GALNS: variants seen among roughly 807,000 people sequenced by gnomAD.
GALNS encodes the protein galactosamine (N-acetyl)-6-sulfatase.
GALNS carries 65 observed loss-of-function variants against 65.9 expected under a neutral mutation model. The ratio of observed to expected loss-of-function variants is 0.99; its 90% CI spans 0.81 to 1.21. The LOEUF is 1.21. GALNS is among the 50% of genes most tolerant of loss of function. GALNS has a pLI of 0.00. For synonymous variants in GALNS, 346 were observed against 288.9 expected (o/e 1.20, Z -2.00); for missense variants, 776 against 700.7 (o/e 1.11, Z -1.21).
chr16:88,832,713 G>A (rs933938195), intron 8 of GALNS, among the ~76,000 whole-genome samples: 8 of 152,188 alleles, frequency 5.3e-5, no homozygotes, highest in African/African-American at 1.9e-4. Context: ...TGCTGCTGTA[G>A]CCTGAGCCAC....
At chr16:88,839,934 G>T (rs895663357) in intron 4 of GALNS, among the ~76,000 whole-genome samples, 5 of 152,224 alleles carry the variant, frequency 3.3e-5, no homozygotes, top group African/African-American at 1.2e-4. Flanking sequence ...GTCACTTGGA[G>T]AGGCCACCGG....
At chr16:88,830,639 T>C (rs913155488) in intron 9 of GALNS, among the ~76,000 whole-genome samples, 3 of 152,184 alleles carry the variant, frequency 2.0e-5, no homozygotes, top group Admixed American at 1.3e-4. Context: ...CTCAAGTGCC[T>C]GTTACAGAAG....
intron 1 of GALNS, among the ~76,000 whole-genome samples, chr16:88,850,635 G>C (rs1289880249): frequency 1.3e-5 from 2 of 152,190 alleles, no homozygotes; most frequent in Admixed American, 6.5e-5. Context: ...CTTACAACGG[G>C]GAGGGCATCA....
chr16:88,826,221 A>C, intron 10 of GALNS, among the ~76,000 whole-genome samples: 1 of 140,378 alleles, frequency 7.1e-6, no homozygotes, highest in African/African-American at 2.7e-5. Context: ...GTGCCCAGGT[A>C]CAGGCAGGCA....
chr16:88,841,747 T>C, intron 3 of GALNS, 150 bp downstream of exon 3: 1 of 738,012 alleles, frequency 1.4e-6, no homozygotes, highest in South Asian at 1.5e-5. Context: ...TAGGGGGGCC[T>C]GCACTTCCAC....
In GALNS at chr16:88,842,707, T is replaced by C. The variant is rs759476855; in HGVS notation, c.243A>G (p.Pro81=). The C allele has an allele frequency of 3.7e-6, 6 of 1,612,520 alleles. No individual in the cohort carries two copies. In the Admixed American group the frequency reaches 1.0e-4, roughly 27 times the overall value. The change falls in exon 2 of 14, where the codon CCA becomes CCG. Residue 81 remains proline, a splice_region_variant and synonymous_variant. Coordinates refer to ENST00000268695, the MANE Select transcript of GALNS (RefSeq NM_000512.5). ...NFYSANPLCS[P]SRAALLTGRL... is the part of the protein sequence containing the mutation. ...GGGGCGAGGGCCCCGCTGACTTACATGGCGAGCACAGAGGGTTGGCAGAAT... is the reference window on the plus strand; with the variant it reads ...GGGGCGAGGGCCCCGCTGACTTACACGGCGAGCACAGAGGGTTGGCAGAAT...
chr16:88,816,908 C>A (rs997353869), intron 13 of GALNS: 2 of 985,340 alleles, frequency 2.0e-6, no homozygotes, highest in African/African-American at 3.5e-5. Flanking sequence ...CCACGCCCAG[C>A]CCGTGTAAAC....
intron 13 of GALNS, chr16:88,815,842 G>GGT: frequency 1.0e-6 from 1 of 984,676 alleles, no homozygotes; most frequent in Non-Finnish European, 1.2e-6. Context: ...GCAGCCGCAG[G>GGT]GTGTGTTTGA....
rs1158912060 is a variant in GALNS at position 88,813,996 on chromosome 16, C to G, written c.*443G>C. ...TGTATTCAGTGGAAGGCTGACTGAACCAATGTACGCCATACACATACTGAT... is the reference window on the plus strand; with the variant it reads ...TGTATTCAGTGGAAGGCTGACTGAAGCAATGTACGCCATACACATACTGAT... On this transcript the variant is annotated 3_prime_UTR_variant, in exon 14 of 14. Transcript: ENST00000268695. The G allele has an allele frequency of 1.2e-5, 3 of 260,290 alleles. No individual in the cohort carries two copies. The highest frequency in any genetic ancestry group is 4.9e-5 in the Admixed American group (1 of 20,478). The allele number at this position is 260,290 out of a possible 1,614,324, so 16.1% of individuals were successfully genotyped here.
intron 4 of GALNS, among the ~76,000 whole-genome samples, chr16:88,838,200 C>T (rs2143002710): frequency 6.6e-6 from 1 of 152,186 alleles, no homozygotes; most frequent in East Asian, 1.9e-4. Context: ...AAAATATTTC[C>T]TGCCAGGTAA....
intron 1 of GALNS, chr16:88,855,609 G>A (rs931051282): frequency 1.1e-5 from 7 of 638,396 alleles, no homozygotes; most frequent in Middle Eastern, 3.7e-4. Context: ...TATGGGTGGT[G>A]TCTGTTATCT....
chr16:88,825,066 C>T (rs1463420203), intron 10 of GALNS, among the ~76,000 whole-genome samples, 197 bp from the exon 11 acceptor site: 1,219 of 109,930 alleles, frequency 0.011, 32 homozygotes, highest in African/African-American at 0.039. Flanking sequence ...GGGGCTGGAG[C>T]TCCTGGGTGG....
At position 88,831,849 on chromosome 16, in the gene GALNS, G is replaced by A. The variant is rs116973927; in HGVS notation, c.1002+149C>T. 7.8e-4 allele frequency: 545 copies of A among 698,834 alleles called. 3 individuals carry two copies. The East Asian group carries it at 0.014, about 18-fold the overall frequency. 43.3% of individuals were successfully genotyped at this position (698,834 alleles called of 1,614,324 possible). The stretch of plus-strand genomic sequence containing the variant: ...GGTGGTGAGGCTGAGCATGGGGTGC[G>A]TGGAGGCTGAGCACAGGGTGCGTGG... On this transcript the variant is annotated intron_variant, in intron 9 of 13. Coordinates refer to ENST00000268695, the MANE Select transcript of GALNS (RefSeq NM_000512.5).
rs142915158 is a variant in GALNS, at chr16:88,837,561, G to T, written c.566+61C>A. ...GAGCCCACCAGTGCTAGAGGCGGGG[G>T]GCAGGCACGCCGGGCACAGCAGTTC... On this transcript the variant is annotated intron_variant, in intron 5 of 13. Coordinates refer to ENST00000268695, the MANE Select transcript of GALNS (RefSeq NM_000512.5). 76 of 1,567,364 alleles carry T rather than the reference G, an allele frequency of 4.8e-5. No homozygotes were observed. The African/African-American group carries it at 8.9e-4, about 18-fold the overall frequency.
intron 10 of GALNS, among the ~76,000 whole-genome samples, 187 bp from the exon 11 acceptor site, chr16:88,825,056 G>GGGGCTGGAGCTCCTTGGTGGCCA (rs1910673043): frequency 2.1e-5 from 3 of 145,210 alleles, no homozygotes; most frequent in African/African-American, 8.0e-5. Flanking sequence ...CTGGGCGGCC[G>GGGGCTGGAGCTCCTTGGTGGCCA]GGGCTGGAGC....
chr16:88,838,353 T>C lies in GALNS; in HGVS notation c.423-588A>G, dbSNP rs374585235. Among the ~76,000 whole-genome samples the C allele has an allele frequency of 5.9e-5, 9 of 152,192 alleles. No individual in the cohort carries two copies. The East Asian group carries it at 7.7e-4, about 13-fold the overall frequency. On this transcript the variant is annotated intron_variant, in intron 4 of 13. Transcript: ENST00000268695. ...AGCTGTACCCACATCCCCAGGACCC[T>C]GGCAGAGGCAGGGATTAGAGTGACG...
At chr16:88,825,213 GGGGCGCCTGGGTGT>G (rs1567519844) in intron 10 of GALNS, among the ~76,000 whole-genome samples, 1 of 129,238 alleles carries the variant, frequency 7.7e-6, no homozygotes, top group Non-Finnish European at 1.6e-5. Context: ...CTGGGTGTCT[GGGGCGCCTGGGTGT>G]CTGGGGCTGG....
intron 8 of GALNS, among the ~76,000 whole-genome samples, chr16:88,832,317 G>A (rs1171647585): frequency 6.6e-6 from 1 of 152,196 alleles, no homozygotes; most frequent in Non-Finnish European, 1.5e-5. Context: ...GGGACATCAT[G>A]CCCACTGAGG....
intron 3 of GALNS, 76 bp from the exon 4 acceptor site, chr16:88,841,170 G>A (rs1018428850): frequency 8.8e-7 from 1 of 1,136,248 alleles, no homozygotes; most frequent in African/African-American, 1.5e-5. Flanking sequence ...CAGGACACTG[G>A]GGGCTGCGTC....
Sources: gnomAD v4.1 joint callset for allele counts (sites outside exome capture counted in the v4.1 genomes callset) on GRCh38, gnomAD v4.1.1 for gene constraint, MANE v1.5 for transcripts, NCBI Gene and HGNC (gene_info 2026-07-23, HGNC 2026-07-21) for gene names.